The following ALK variants were observed in gnomAD, a reference collection of about 807,000 sequenced individuals.
ALK encodes the protein ALK tyrosine kinase receptor.
A neutral mutation model predicts 163.1 loss-of-function variants in ALK; 74 were observed. That is an observed-to-expected ratio of 0.45 (90% CI 0.38 to 0.55). The LOEUF is 0.55. Among genes scored for constraint, ALK ranks in the 20% least tolerant of loss-of-function variants. The pLI, the probability that ALK is intolerant of heterozygous loss-of-function variation, is 0.00. For synonymous variants in ALK, 960 were observed against 843.2 expected (o/e 1.14, Z -2.40); for missense variants, 2,063 against 2,105.3 (o/e 0.98, Z 0.39).
At chr2:29,432,998 C>G (rs1473948569) in intron 4 of ALK, among the ~76,000 whole-genome samples, 1 of 152,144 alleles carries the variant, frequency 6.6e-6, no homozygotes. Context: ...TCAATAAGAT[C>G]CTTCCCAGCT....
chr2:29,735,921 G>A (rs1415603488), intron 1 of ALK, among the ~76,000 whole-genome samples: 1 of 152,028 alleles, frequency 6.6e-6, no homozygotes, highest in South Asian at 2.1e-4. Context: ...TTACAGCAGT[G>A]TGAGAAGGGA....
intron 9 of ALK, among the ~76,000 whole-genome samples, chr2:29,295,044 GGCTCCCA>G (rs1431452632): frequency 9.2e-5 from 14 of 152,158 alleles, no homozygotes; most frequent in Non-Finnish European, 5.9e-5. Context: ...GTGGTATGCA[GGCTCCCA>G]GCGAATGGAA....
At chr2:29,341,516 A>C (rs1179892917) in intron 5 of ALK, among the ~76,000 whole-genome samples, 1 of 152,202 alleles carries the variant, frequency 6.6e-6, no homozygotes, top group Non-Finnish European at 1.5e-5. Context: ...TTGGAAGGCT[A>C]AGGAGGGAGG....
chr2:29,264,133 C>T (rs1268561723), intron 11 of ALK, among the ~76,000 whole-genome samples: 3 of 152,222 alleles, frequency 2.0e-5, no homozygotes, highest in South Asian at 2.1e-4. Context: ...GGTCACTCCC[C>T]CGGCCCAGTC....
chr2:29,636,398 G>A (rs1224293467), intron 3 of ALK, among the ~76,000 whole-genome samples: 1 of 151,498 alleles, frequency 6.6e-6, no homozygotes, highest in African/African-American at 2.4e-5. Flanking sequence ...AAAGAAAAAT[G>A]GAGAAGAAAC....
chr2:29,481,755 A>G (rs1052455385), intron 4 of ALK, among the ~76,000 whole-genome samples: 3 of 152,092 alleles, frequency 2.0e-5, no homozygotes, highest in Admixed American at 2.0e-4. Context: ...TTCTCTTTGC[A>G]TGGTTCACAG....
chr2:29,598,543 G>T (rs1558402420), intron 3 of ALK, among the ~76,000 whole-genome samples: 1 of 152,140 alleles, frequency 6.6e-6, no homozygotes, highest in Non-Finnish European at 1.5e-5. Flanking sequence ...TTGCAAGTAG[G>T]AATAGGGCAG....
At chr2:29,698,496 C>G (rs959938984) in intron 2 of ALK, among the ~76,000 whole-genome samples, 1 of 152,220 alleles carries the variant, frequency 6.6e-6, no homozygotes, top group Non-Finnish European at 1.5e-5. Context: ...GCTTCGACTT[C>G]TGCGGCCATC....
intron 4 of ALK, among the ~76,000 whole-genome samples, chr2:29,525,888 A>G (rs926294198): frequency 3.3e-5 from 5 of 151,626 alleles, no homozygotes; most frequent in Non-Finnish European, 7.4e-5. Flanking sequence ...GAGACCTACT[A>G]TGTTAATCGC....
chr2:29,332,825 C>T lies in ALK; in HGVS notation c.1283-4344G>A, dbSNP rs1232520920. The stretch of plus-strand genomic sequence containing the variant: ...TGACGCTTTGAAGAATATCTTTGAG[C>T]GTAAACCTTTGCCTGCACTGCAGAT... On this transcript the variant is annotated intron_variant, in intron 5 of 28. Coordinates refer to ENST00000389048, the MANE Select transcript of ALK (RefSeq NM_004304.5). 9.2e-5 allele frequency among the ~76,000 whole-genome samples: 14 copies of T among 152,154 alleles called. No homozygotes were observed. In the East Asian group the frequency reaches 1.9e-3, roughly 21 times the overall value.
rs80227749 is a variant in ALK, at chr2:29,233,636, G to T, written c.2416C>A (p.Arg806Ser). 6.2e-7 allele frequency: 1 copy of T among 1,614,172 alleles called. No individual in the cohort carries two copies. The highest frequency in any genetic ancestry group is 8.5e-7 in the Non-Finnish European group (1 of 1,180,032). The change falls in exon 14 of 29, where the codon CGT (arginine) becomes AGT (serine). Residue 806 changes from arginine (R) to serine (S), a missense_variant. Arg to Ser is a moderately radical substitution (Grantham distance 110). Around this residue, in one of 5 missense-constraint regions of ALK, gnomAD observed 575 missense variants for 626.6 expected, o/e 0.92. Transcript: ENST00000389048. ...CACTCATGCACGCTTCTGTTCACAC[G>T]GATTTCTTCTTCTATCACATTGTTC... is the stretch of plus-strand genomic sequence containing the variant. ...GENNVIEEEI[R>S]VNRSVHEWAG...
intron 2 of ALK, among the ~76,000 whole-genome samples, chr2:29,701,682 G>A (rs1678741963): frequency 6.6e-6 from 1 of 152,100 alleles, no homozygotes; most frequent in Admixed American, 6.5e-5. Flanking sequence ...AAGGCGTGTG[G>A]GAAGTGTATT....
At chr2:29,800,722 C>T (rs1435665042) in intron 1 of ALK, among the ~76,000 whole-genome samples, 1 of 152,158 alleles carries the variant, frequency 6.6e-6, no homozygotes, top group Non-Finnish European at 1.5e-5. Context: ...CAAGGAGAGC[C>T]CTCTGGGCTC....
At chr2:29,792,133 T>G (rs1168842707) in intron 1 of ALK, among the ~76,000 whole-genome samples, 1 of 152,192 alleles carries the variant, frequency 6.6e-6, no homozygotes, top group Non-Finnish European at 1.5e-5. Context: ...AGTTTTAACC[T>G]TTTTTGTTAG....
At chr2:29,264,338 C>A (rs1665159825) in intron 11 of ALK, among the ~76,000 whole-genome samples, 1 of 152,240 alleles carries the variant, frequency 6.6e-6, no homozygotes, top group Non-Finnish European at 1.5e-5. Flanking sequence ...CCTGATTCTG[C>A]TCCCACGTCC....
At chr2:29,226,495 AAAAAAAAGAG>A (rs1189826411) in intron 18 of ALK, among the ~76,000 whole-genome samples, 25 of 151,892 alleles carry the variant, frequency 1.6e-4, no homozygotes, top group African/African-American at 6.0e-4. Flanking sequence ...AAAAAAAAAA[AAAAAAAAGAG>A]GAGGAGAATG....
rs760263961 is a variant in ALK, at chr2:29,222,496, CAA to C, written c.3450+19_3450+20del. 8.1e-6 allele frequency: 13 copies of C among 1,613,910 alleles called. No homozygotes were observed. Among genetic ancestry groups the C allele is most frequent in the South Asian group, 2.2e-5 (2 of 91,078 alleles). On this transcript the variant is annotated intron_variant, in intron 21 of 28. Coordinates refer to ENST00000389048, the MANE Select transcript of ALK (RefSeq NM_004304.5). ...AGAGTCCGCAAGCCAAGGGCAGGCT[CAA>C]GAGTGAGCCACTTCTTACCTTCACA...
chr2:29,701,321 G>A (rs1678728244), intron 2 of ALK, among the ~76,000 whole-genome samples: 1 of 152,162 alleles, frequency 6.6e-6, no homozygotes. Context: ...TAGAGGACCA[G>A]CAGCTCCCCT....
At chr2:29,551,035 A>G (rs754035378) in intron 3 of ALK, among the ~76,000 whole-genome samples, 19 of 152,164 alleles carry the variant, frequency 1.2e-4, no homozygotes, top group Non-Finnish European at 2.5e-4. Flanking sequence ...TGCTATTGAT[A>G]AAGTTGTTCT....
Sources: allele counts gnomAD v4.1 joint callset (sites outside exome capture counted in the v4.1 genomes callset), GRCh38; gene constraint gnomAD v4.1.1; regional missense constraint gnomAD v4.1.1; transcripts MANE v1.5; gene names NCBI Gene and HGNC (gene_info 2026-07-23, HGNC 2026-07-21).